The following CTSS variants were observed in gnomAD, a reference collection of about 807,000 sequenced individuals.
The protein encoded by CTSS is cathepsin S.
CTSS carries 15 observed loss-of-function variants against 39.9 expected under a neutral mutation model. The ratio of observed to expected loss-of-function variants is 0.38; its 90% CI spans 0.25 to 0.58. CTSS has a LOEUF of 0.58. Ranked by LOEUF, CTSS falls within the 20% of genes least tolerant of loss-of-function variation. The pLI, the probability that CTSS is intolerant of heterozygous loss-of-function variation, is 0.70. For missense variants in CTSS, 250 were observed against 398.2 expected (o/e 0.63, Z 3.17); for synonymous variants, 126 against 138.2 (o/e 0.91, Z 0.62).
chr1:150,747,163 G>A (rs1441166646), intron 7 of CTSS, among the ~76,000 whole-genome samples: 1 of 152,076 alleles, frequency 6.6e-6, no homozygotes, highest in Non-Finnish European at 1.5e-5. Flanking sequence ...ACTTGGGGAG[G>A]TCTCAGATGA....
chr1:150,744,340 GT>G (rs1652837738), intron 7 of CTSS, among the ~76,000 whole-genome samples: 1 of 17,800 alleles, frequency 5.6e-5, no homozygotes, highest in Non-Finnish European at 1.2e-4. Flanking sequence ...TATATTATAT[GT>G]ATATTATGTA....
At chr1:150,755,694 C>T (rs771868512) in intron 3 of CTSS, among the ~76,000 whole-genome samples, 1 of 151,500 alleles carries the variant, frequency 6.6e-6, no homozygotes, top group Non-Finnish European at 1.5e-5. Context: ...GAGCTGAGAT[C>T]GCGCCAGTGC....
intron 2 of CTSS, among the ~76,000 whole-genome samples, chr1:150,760,020 G>T (rs1653218817): frequency 6.7e-6 from 1 of 149,570 alleles, no homozygotes; most frequent in Non-Finnish European, 1.5e-5. Flanking sequence ...CTAACTAAGT[G>T]CAAGAAAGGA....
rs1306277957 is a variant in CTSS, at chr1:150,731,425, A to G, written c.*1621T>C. 6.6e-6 allele frequency: 1 copy of G among 152,190 alleles called. No individual in the cohort carries two copies. Among genetic ancestry groups the G allele is most frequent in the African/African-American group, 2.4e-5 (1 of 41,444 alleles). The allele number at this position is 152,190 out of a possible 1,614,324, so 9.4% of individuals were successfully genotyped here. Reference sequence around the variant, plus strand: ...AAAACTGAAAAGTAATCAACTAAATACTTTTAAACTATAATATTCTATACA... The same window carrying G: ...AAAACTGAAAAGTAATCAACTAAATGCTTTTAAACTATAATATTCTATACA... On this transcript the variant is annotated 3_prime_UTR_variant, in exon 8 of 8. Coordinates refer to ENST00000368985, the MANE Select transcript of CTSS (RefSeq NM_004079.5).
intron 6 of CTSS, among the ~76,000 whole-genome samples, chr1:150,749,494 C>G (rs1652961041): frequency 6.6e-6 from 1 of 152,040 alleles, no homozygotes; most frequent in South Asian, 2.1e-4. Context: ...GGCGAGGAAG[C>G]TACAGAAGAA....
intron 6 of CTSS, among the ~76,000 whole-genome samples, chr1:150,748,567 C>T (rs894649272): frequency 3.4e-5 from 5 of 148,540 alleles, no homozygotes; most frequent in Non-Finnish European, 6.0e-5. Flanking sequence ...CTTTATTGTG[C>T]TTTGCAGATA....
intron 7 of CTSS, among the ~76,000 whole-genome samples, chr1:150,745,328 T>C (rs1415046200): frequency 6.6e-6 from 1 of 152,088 alleles, no homozygotes; most frequent in Non-Finnish European, 1.5e-5. Flanking sequence ...GATGAGGTCA[T>C]TAGGGTGGGT....
At chr1:150,746,330 A>G (rs1652894706) in intron 7 of CTSS, among the ~76,000 whole-genome samples, 1 of 152,112 alleles carries the variant, frequency 6.6e-6, no homozygotes, top group East Asian at 1.9e-4. Context: ...TCAACTCTTC[A>G]TATTTCCTCC....
At chr1:150,733,190 A>G in intron 7 of CTSS, 45 bp from the exon 8 acceptor site, 1 of 1,429,078 alleles carries the variant, frequency 7.0e-7, no homozygotes, top group Non-Finnish European at 9.8e-7. Context: ...CGTACAATCA[A>G]ACCATGTTAT....
intron 7 of CTSS, among the ~76,000 whole-genome samples, chr1:150,739,695 A>G (rs1652705522): frequency 6.7e-6 from 1 of 148,558 alleles, no homozygotes. Flanking sequence ...AACAACAACA[A>G]AAAGAAAGAA....
chr1:150,741,906 A>C (rs1221242220), intron 7 of CTSS, among the ~76,000 whole-genome samples: 1 of 151,656 alleles, frequency 6.6e-6, no homozygotes, highest in Non-Finnish European at 1.5e-5. Flanking sequence ...GAATATGAAC[A>C]TTTAAAAAGT....
In CTSS at chr1:150,750,113, T is replaced by C; in HGVS notation, c.686A>G (p.Glu229Gly). The part of the protein sequence containing the change: ...YRAATCSKYT[E>G]LPYGREDVLK... Reference sequence around the variant, plus strand: ...GACATCTTCTCTGCCATAAGGAAGTTCAGTGTACTTTGAACATGTGGCAGC... The same window carrying C: ...GACATCTTCTCTGCCATAAGGAAGTCCAGTGTACTTTGAACATGTGGCAGC... The change falls in exon 6 of 8, where the codon GAA (glutamate) becomes GGA (glycine). Residue 229 changes from glutamate (E) to glycine (G), a missense_variant. Glu to Gly is a moderately conservative substitution (Grantham distance 98). Coordinates refer to ENST00000368985, the MANE Select transcript of CTSS (RefSeq NM_004079.5). 1 of 1,613,996 alleles carries C rather than the reference T, an allele frequency of 6.2e-7. No homozygotes were observed. The highest frequency in any genetic ancestry group is 2.2e-5 in the East Asian group (1 of 44,894).
rs587625881 is a variant in CTSS at position 150,742,903 on chromosome 1, T to C, written c.896+4874A>G. 2.6e-5 allele frequency among the ~76,000 whole-genome samples: 4 copies of C among 152,216 alleles called. No individual in the cohort carries two copies. In the South Asian group the frequency reaches 6.2e-4, roughly 24 times the overall value. On this transcript the variant is annotated intron_variant, in intron 7 of 7. Coordinates refer to ENST00000368985, the MANE Select transcript of CTSS (RefSeq NM_004079.5). ...GGAAGAGAAGAACATTGTAAACTTA[T>C]TGAGTATGAGAGTGTGTATATGTTG...
intron 2 of CTSS, among the ~76,000 whole-genome samples, chr1:150,758,743 G>A (rs1288115311): frequency 6.6e-6 from 1 of 151,750 alleles, no homozygotes; most frequent in Non-Finnish European, 1.5e-5. Context: ...GTAGAGACTG[G>A]GTCTCCCTAT....
chr1:150,738,020 A>G (rs932947581), intron 7 of CTSS, among the ~76,000 whole-genome samples: 1 of 152,216 alleles, frequency 6.6e-6, no homozygotes, highest in African/African-American at 2.4e-5. Flanking sequence ...CTAAGGCCAG[A>G]TAATGTCATG....
In CTSS at chr1:150,750,045, C is replaced by T; in HGVS notation, c.754G>A (p.Val252Ile). ...VANKGPVSVG[V>I]DARHPSFFLY... is the part of the protein sequence containing the mutation. The stretch of plus-strand genomic sequence containing the variant: ...AAGAAAGAAGGATGACGCGCATCTA[C>T]ACCAACAGACACTGGGCCTTTATTG... The change falls in exon 6 of 8, where the codon GTA becomes ATA. Residue 252 changes from valine to isoleucine, a missense_variant. Transcript: ENST00000368985. 1 of 1,613,752 alleles carries T rather than the reference C, an allele frequency of 6.2e-7. No homozygotes were observed. Among genetic ancestry groups the T allele is most frequent in the Non-Finnish European group, 8.5e-7 (1 of 1,179,718 alleles).
chr1:150,737,641 T>G (rs2101910014), intron 7 of CTSS, among the ~76,000 whole-genome samples: 1 of 152,248 alleles, frequency 6.6e-6, no homozygotes, highest in South Asian at 2.1e-4. Flanking sequence ...AGTCCTGGGC[T>G]TCTTAGGCTG....
At chr1:150,763,474 T>C (rs1157422375) in intron 2 of CTSS, among the ~76,000 whole-genome samples, 1 of 152,176 alleles carries the variant, frequency 6.6e-6, no homozygotes, top group East Asian at 1.9e-4. Context: ...AGGATAAGTA[T>C]GTGAGGTGCT....
intron 5 of CTSS, among the ~76,000 whole-genome samples, chr1:150,751,243 T>C (rs1652999393): frequency 6.6e-6 from 1 of 152,146 alleles, no homozygotes; most frequent in Admixed American, 6.6e-5. Flanking sequence ...TTAAGGATAG[T>C]TTGCTTAAAA....
Sources: allele counts gnomAD v4.1 joint callset (sites outside exome capture counted in the v4.1 genomes callset), GRCh38; gene constraint gnomAD v4.1.1; transcripts MANE v1.5; gene names NCBI Gene and HGNC (gene_info 2026-07-23, HGNC 2026-07-21).